The following GREB1 variants were observed in gnomAD, a reference collection of about 807,000 sequenced individuals.
GREB1 encodes growth regulating estrogen receptor binding 1, also known as protein GREB1.
In GREB1, 106 loss-of-function variants were observed where a neutral mutation model predicts 200.7. The observed-to-expected ratio is 0.53, with a 90% confidence interval of 0.45 to 0.62. The LOEUF (loss-of-function observed/expected upper bound fraction) is 0.62. Among genes scored for constraint, GREB1 ranks in the 20% least tolerant of loss-of-function variants. The probability of loss-of-function intolerance (pLI) is 0.00; values close to 1 mark genes in which losing one functional copy is unlikely to be tolerated. For synonymous variants in GREB1, 1,132 were observed against 1,092.4 expected, an observed-to-expected ratio of 1.04 and a Z score of -0.72; for missense variants, 2,243 against 2,556.8, an observed-to-expected ratio of 0.88 and a Z score of 2.65.
rs770152880 is a variant in GREB1, at chr2:11,638,730, G to C, written c.5607G>C (p.Leu1869Phe). 1.2e-6 allele frequency: 2 copies of C among 1,614,054 alleles called. No homozygotes were observed. The highest frequency in any genetic ancestry group is 1.7e-6 in the Non-Finnish European group (2 of 1,179,884). The change falls in exon 32 of 33, where the codon TTG (leucine) becomes TTC (phenylalanine). Residue 1869 changes from leucine to phenylalanine, a missense_variant. Physicochemically the swap from Leu to Phe is conservative, Grantham distance 22 (BLOSUM62 0). This residue lies in a region of GREB1 where 478 missense variants were observed against 616.3 expected (regional missense o/e 0.78). Coordinates refer to ENST00000381486, the MANE Select transcript of GREB1 (RefSeq NM_014668.4). Reference protein sequence around the residue: ...PHSLNISCSDLLFSGLLLYLC... With the variant: ...PHSLNISCSDFLFSGLLLYLC... ...CTTTAAACATCAGCTGCTCGGACTTGCTGTTCAGTGGGCTGCTGCTGTACC... is the reference window on the plus strand; with the variant it reads ...CTTTAAACATCAGCTGCTCGGACTTCCTGTTCAGTGGGCTGCTGCTGTACC...
chr2:11,526,871 CT>C (rs1414029447), intron 1 of GREB1, among the ~76,000 whole-genome samples: 4 of 152,128 alleles, frequency 2.6e-5, no homozygotes, highest in South Asian at 2.1e-4. Flanking sequence ...ATCCTTTTAA[CT>C]GATTCTTTTG....
At chr2:11,503,073 T>G (rs765899161) in intron 1 of GREB1, among the ~76,000 whole-genome samples, 3 of 152,136 alleles carry the variant, frequency 2.0e-5, no homozygotes, top group African/African-American at 7.2e-5. Context: ...AGGAGACCAA[T>G]GTTCTAGTTG....
In GREB1 at chr2:11,635,365, T is replaced by C; in HGVS notation, c.5306T>C (p.Ile1769Thr). 2 of 1,613,814 alleles carry C rather than the reference T, an allele frequency of 1.2e-6. No homozygotes were observed. Among genetic ancestry groups the C allele is most frequent in the Non-Finnish European group, 1.7e-6 (2 of 1,179,874 alleles). The change falls in exon 30 of 33, where the codon ATC (isoleucine) becomes ACC (threonine). Residue 1769 changes from isoleucine (I) to threonine (T), a missense_variant. Ile to Thr is a moderately conservative substitution (Grantham distance 89). Coordinates refer to ENST00000381486, the MANE Select transcript of GREB1 (RefSeq NM_014668.4). ...FNRFSVMKKQ[I>T]VVGGHRSFHI... The stretch of plus-strand genomic sequence containing the variant: ...CGCTTCAGCGTGATGAAGAAGCAGA[T>C]CGTGGTGGGCGGCCACAGGTCCTTC...
chr2:11,627,312 A>G (rs1356375079), intron 25 of GREB1, among the ~76,000 whole-genome samples: 1 of 152,198 alleles, frequency 6.6e-6, no homozygotes. Context: ...TTGTGTGTTT[A>G]TCAGTGGCCA....
intron 4 of GREB1, among the ~76,000 whole-genome samples, chr2:11,568,349 G>A (rs1257930828): frequency 1.3e-5 from 2 of 152,240 alleles, no homozygotes; most frequent in African/African-American, 4.8e-5. Context: ...ACACACACGT[G>A]TGTGAACTCT....
rs938605576 is a variant in GREB1 at position 11,618,707 on chromosome 2, C to T, written c.3832C>T (p.Pro1278Ser). The T allele has an allele frequency of 1.2e-6, 2 of 1,613,472 alleles. No individual in the cohort carries two copies. Among genetic ancestry groups the T allele is most frequent in the African/African-American group, 2.7e-5 (2 of 74,932 alleles). ...MVVSTDSSGL[P>S]KAASLLPSPS... ...TGTGTCCACTGACAGCAGTGGCCTGCCCAAGGCCGCCTCCCTCCTGCCCTC... is the reference window on the plus strand; with the variant it reads ...TGTGTCCACTGACAGCAGTGGCCTGTCCAAGGCCGCCTCCCTCCTGCCCTC... Residue 1278 changes from proline to serine, a missense_variant, in exon 22 of 33, where the codon CCC becomes TCC. Pro to Ser is a moderately conservative substitution (Grantham distance 74). This residue lies in a region of GREB1 where 587 missense variants were observed against 553.1 expected (regional missense o/e 1.06). Transcript: ENST00000381486.
At chr2:11,598,902 T>A (rs774639890) in intron 15 of GREB1, 42 bp downstream of exon 15, 10 of 1,520,628 alleles carry the variant, frequency 6.6e-6, no homozygotes, top group Non-Finnish European at 9.1e-6. Context: ...ATTTTCCTTC[T>A]TTGAAGTGAT....
chr2:11,484,238 T>G (rs1223078012), intron 1 of GREB1, among the ~76,000 whole-genome samples: 1 of 152,236 alleles, frequency 6.6e-6, no homozygotes, highest in Non-Finnish European at 1.5e-5. Context: ...TTCTGACTGC[T>G]TTCTCAGAAA....
chr2:11,573,085 A>C (rs1318640353), intron 4 of GREB1, among the ~76,000 whole-genome samples: 1 of 152,106 alleles, frequency 6.6e-6, no homozygotes, highest in Non-Finnish European at 1.5e-5. Flanking sequence ...CCTGCCTCAC[A>C]TCACCTAACT....
chr2:11,498,080 C>T (rs1424637764), intron 1 of GREB1, among the ~76,000 whole-genome samples: 1 of 144,744 alleles, frequency 6.9e-6, no homozygotes, highest in Non-Finnish European at 1.5e-5. Context: ...ACTGCAGCCT[C>T]GACCTCCTGG....
At chr2:11,630,686 A>G (rs1684808161) in intron 26 of GREB1, among the ~76,000 whole-genome samples, 1 of 152,202 alleles carries the variant, frequency 6.6e-6, no homozygotes, top group Non-Finnish European at 1.5e-5. Flanking sequence ...ATCTATACAT[A>G]TTTATACCTA....
At chr2:11,482,932 G>C (rs560998198) in intron 1 of GREB1, among the ~76,000 whole-genome samples, 5 of 151,354 alleles carry the variant, frequency 3.3e-5, no homozygotes, top group Non-Finnish European at 7.4e-5. Flanking sequence ...TCAGGAGCGG[G>C]GCCGCGGCGG....
chr2:11,580,658 C>T lies in GREB1; in HGVS notation c.773-46C>T, dbSNP rs769485409. Reference sequence around the variant, plus strand: ...TTTCCTCCTTGCCTGGCTCCCAGGGCATTCTTGTGAACTGACCCTCCTCTT... The same window carrying T: ...TTTCCTCCTTGCCTGGCTCCCAGGGTATTCTTGTGAACTGACCCTCCTCTT... On this transcript the variant is annotated intron_variant, in intron 6 of 32. Transcript: ENST00000381486. The surrounding 1 kb of genome is among the most constrained non-coding windows in gnomAD (Gnocchi z 4.5). 4.5e-6 allele frequency: 7 copies of T among 1,554,512 alleles called. No homozygotes were observed. In the South Asian group the frequency reaches 7.4e-5, roughly 16 times the overall value.
intron 1 of GREB1, among the ~76,000 whole-genome samples, chr2:11,483,090 C>T (rs370385132): frequency 7.9e-5 from 12 of 152,044 alleles, no homozygotes; most frequent in Non-Finnish European, 1.0e-4. Flanking sequence ...ACTTCCTGGC[C>T]CTGGTCCCGG....
intron 1 of GREB1, among the ~76,000 whole-genome samples, chr2:11,552,650 T>C (rs1675973748): frequency 6.6e-6 from 1 of 152,116 alleles, no homozygotes; most frequent in African/African-American, 2.4e-5. Flanking sequence ...GTCTGTAAGA[T>C]AGAGCACTGC....
At chr2:11,596,344 A>T in intron 13 of GREB1, 105 bp downstream of exon 13, 9 of 654,928 alleles carry the variant, frequency 1.4e-5, no homozygotes, top group East Asian at 5.1e-5. Context: ...CCATGGCGCA[A>T]GTGTGCACAG....
Position 11,492,697 on chromosome 2 carries a change from C to T in GREB1, c.-159+10316C>T, listed in dbSNP as rs187426723. ...GGGTAAAAGTTTGTTTTGAGGAAAA[C>T]AGTCTTTCATCTGGACTGTGCCCTA... On this transcript the variant is annotated intron_variant, in intron 1 of 2. Transcript: ENST00000628795. The surrounding 1 kb of genome is among the most constrained non-coding windows in gnomAD (Gnocchi z 4.0). 2.0e-4 allele frequency among the ~76,000 whole-genome samples: 30 copies of T among 152,332 alleles called. No individual in the cohort carries two copies. Among genetic ancestry groups the T allele is most frequent in the Admixed American group, 1.7e-3 (26 of 15,306 alleles).
intron 1 of GREB1, among the ~76,000 whole-genome samples, chr2:11,504,386 C>T (rs1031048559): frequency 2.6e-5 from 4 of 152,146 alleles, no homozygotes; most frequent in Admixed American, 6.5e-5. Flanking sequence ...GTCTTCAAAG[C>T]GATTTTTTAA....
chr2:11,521,005 C>T (rs1201570813), intron 1 of GREB1, among the ~76,000 whole-genome samples: 1 of 152,150 alleles, frequency 6.6e-6, no homozygotes, highest in Non-Finnish European at 1.5e-5. Context: ...ATTCTTATGC[C>T]CTCTGCCGTG....
Sources: allele counts gnomAD v4.1 joint callset (sites outside exome capture counted in the v4.1 genomes callset), GRCh38; gene constraint gnomAD v4.1.1; regional missense constraint gnomAD v4.1.1; non-coding constraint Gnocchi (gnomAD v3.1); transcripts MANE v1.5; gene names NCBI Gene and HGNC (gene_info 2026-07-23, HGNC 2026-07-21).